Variants in UNC5D observed in about 807,000 individuals in gnomAD.
UNC5D encodes unc-5 netrin receptor D.
Under a neutral mutation model 105.4 loss-of-function variants are expected in UNC5D, and 39 were observed. The observed-to-expected ratio is 0.37, with a 90% CI of 0.29 to 0.48. UNC5D has a LOEUF of 0.48. Among genes scored for constraint, UNC5D ranks in the 20% least tolerant of loss-of-function variants. The pLI, the probability that UNC5D is intolerant of heterozygous loss-of-function variation, is 0.98. For synonymous variants in UNC5D, 452 were observed against 450.4 expected, an observed-to-expected ratio of 1.00 and a Z score of -0.04; for missense variants, 991 against 1,202.4, an observed-to-expected ratio of 0.82 and a Z score of 2.60.
intron 4 of UNC5D, among the ~76,000 whole-genome samples, chr8:35,665,345 T>C (rs1824356900): frequency 1.3e-5 from 2 of 152,152 alleles, no homozygotes; most frequent in Admixed American, 1.3e-4. Context: ...ACTCCTTTGG[T>C]TCCTCCTTTT....
intron 1 of UNC5D, among the ~76,000 whole-genome samples, chr8:35,503,902 C>G (rs1172319388): frequency 6.6e-6 from 1 of 152,094 alleles, no homozygotes; most frequent in Admixed American, 6.6e-5. Context: ...GCTGAGTGCC[C>G]GGCACAGTGC....
At chr8:35,657,758 C>G (rs971644541) in intron 4 of UNC5D, among the ~76,000 whole-genome samples, 1 of 152,170 alleles carries the variant, frequency 6.6e-6, no homozygotes, top group African/African-American at 2.4e-5. Flanking sequence ...AGTGCTGGGA[C>G]TGTAGGCATG....
At chr8:35,768,345 A>ACCTGG (rs1801863546) in intron 15 of UNC5D, among the ~76,000 whole-genome samples, 1 of 152,176 alleles carries the variant, frequency 6.6e-6, no homozygotes, top group Non-Finnish European at 1.5e-5. Flanking sequence ...TTGACGGAGA[A>ACCTGG]GGTAGATCTG....
chr8:35,766,595 T>C (rs925417572), intron 14 of UNC5D, among the ~76,000 whole-genome samples: 3 of 152,144 alleles, frequency 2.0e-5, no homozygotes, highest in Admixed American at 1.3e-4. Flanking sequence ...AAAATGATAA[T>C]TTTTGATGGT....
intron 1 of UNC5D, among the ~76,000 whole-genome samples, chr8:35,468,753 A>G (rs1809492821): frequency 6.6e-6 from 1 of 152,222 alleles, no homozygotes; most frequent in Admixed American, 6.5e-5. Context: ...ACATTTTGCC[A>G]TCATTCCTGA....
chr8:35,262,389 C>T (rs1177806476), intron 1 of UNC5D, among the ~76,000 whole-genome samples: 1 of 152,170 alleles, frequency 6.6e-6, no homozygotes, highest in East Asian at 1.9e-4. Flanking sequence ...GCCCAATAGG[C>T]AGCCCTGTTT....
chr8:35,594,300 C>G (rs962099787), intron 3 of UNC5D, among the ~76,000 whole-genome samples: 1 of 152,142 alleles, frequency 6.6e-6, no homozygotes, highest in Non-Finnish European at 1.5e-5. Flanking sequence ...GCTTGCCGTG[C>G]TTGTTATTCA....
intron 1 of UNC5D, among the ~76,000 whole-genome samples, chr8:35,515,693 A>G (rs757896476): frequency 6.6e-6 from 1 of 152,210 alleles, no homozygotes; most frequent in African/African-American, 2.4e-5. Context: ...TCAAAAAACA[A>G]ACAAAAACAG....
intron 1 of UNC5D, among the ~76,000 whole-genome samples, chr8:35,495,653 C>T (rs544599776): frequency 1.3e-5 from 2 of 152,058 alleles, no homozygotes; most frequent in East Asian, 3.9e-4. Context: ...ATTCTGGTGC[C>T]CCTGTCTGTG....
At chr8:35,444,814 T>C (rs1807667442) in intron 1 of UNC5D, among the ~76,000 whole-genome samples, 1 of 152,062 alleles carries the variant, frequency 6.6e-6, no homozygotes. Context: ...ACAAACCTCA[T>C]AGGAATTATC....
chr8:35,595,630 C>T lies in UNC5D; in HGVS notation c.543C>T (p.Arg181=), dbSNP rs1434662700. ...PIEGMIVLHC[R]PPEGVPAAEV... is the part of the protein sequence containing the mutation. ...AAGGCATGATTGTACTGCACTGCCG[C>T]CCACCAGAGGGAGTCCCTGCTGCCG... Residue 181 remains arginine, a synonymous_variant, in exon 4 of 17, where the codon CGC becomes CGT. Transcript: ENST00000404895. 3 of 1,614,024 alleles carry T rather than the reference C, an allele frequency of 1.9e-6. No homozygotes were observed. Among genetic ancestry groups the T allele is most frequent in the Admixed American group, 3.3e-5 (2 of 60,012 alleles).
At chr8:35,737,272 G>GTA (rs1266351890) in intron 11 of UNC5D, among the ~76,000 whole-genome samples, 2 of 148,112 alleles carry the variant, frequency 1.4e-5, no homozygotes, top group Non-Finnish European at 1.5e-5. Context: ...GTGTGTGTGT[G>GTA]TGTGTGTGTG....
At chr8:35,616,296 T>C (rs1292390536) in intron 4 of UNC5D, among the ~76,000 whole-genome samples, 3 of 152,230 alleles carry the variant, frequency 2.0e-5, no homozygotes, top group African/African-American at 7.2e-5. Flanking sequence ...TCAGATATTG[T>C]GTGCTGAGCA....
At chr8:35,281,302 A>G (rs1213042397) in intron 1 of UNC5D, among the ~76,000 whole-genome samples, 1 of 152,160 alleles carries the variant, frequency 6.6e-6, no homozygotes, top group African/African-American at 2.4e-5. Context: ...CTGTCTGCAT[A>G]CTAAGTCGGC....
intron 11 of UNC5D, among the ~76,000 whole-genome samples, chr8:35,743,777 A>G (rs1202396872): frequency 6.6e-6 from 1 of 152,038 alleles, no homozygotes; most frequent in Non-Finnish European, 1.5e-5. Context: ...ATATATACAT[A>G]TATGTGCATA....
At chr8:35,499,217 TC>T (rs759198052) in intron 1 of UNC5D, among the ~76,000 whole-genome samples, 16 of 152,202 alleles carry the variant, frequency 1.1e-4, no homozygotes, top group Non-Finnish European at 2.2e-4. Context: ...TTTTTTACTA[TC>T]CTCCTGCCAG....
At position 35,705,244 on chromosome 8, in the gene UNC5D, G is replaced by T. The variant is rs528741635; in HGVS notation, c.1085-685G>T. On this transcript the variant is annotated intron_variant, in intron 7 of 16. Coordinates refer to ENST00000404895, the MANE Select transcript of UNC5D (RefSeq NM_080872.4). ...CTCCCAAAGTGCTGGGATTATAGGCGTGAGCCACCCTGCCCAACCTAATGC... is the reference window on the plus strand; with the variant it reads ...CTCCCAAAGTGCTGGGATTATAGGCTTGAGCCACCCTGCCCAACCTAATGC... 1.1e-4 allele frequency among the ~76,000 whole-genome samples: 16 copies of T among 152,244 alleles called. No individual in the cohort carries two copies. In the East Asian group the frequency reaches 3.1e-3, roughly 30 times the overall value.
At chr8:35,376,425 G>A (rs749182578) in intron 1 of UNC5D, among the ~76,000 whole-genome samples, 15 of 152,114 alleles carry the variant, frequency 9.9e-5, no homozygotes, top group Admixed American at 3.3e-4. Context: ...ACTAAACCCC[G>A]GACCCAGGGG....
chr8:35,703,231 T>C (rs1250768384), intron 7 of UNC5D, among the ~76,000 whole-genome samples: 3 of 152,180 alleles, frequency 2.0e-5, no homozygotes, highest in Non-Finnish European at 4.4e-5. Flanking sequence ...TCATAACAGG[T>C]TGAAATTGTG....
Sources: gnomAD v4.1 joint callset for allele counts (sites outside exome capture counted in the v4.1 genomes callset) on GRCh38, gnomAD v4.1.1 for gene constraint, MANE v1.5 for transcripts, NCBI Gene and HGNC (gene_info 2026-07-23, HGNC 2026-07-21) for gene names.